The following CNTNAP2 variants were observed in gnomAD, a reference collection of about 807,000 sequenced individuals.
CNTNAP2 encodes contactin-associated protein-like 2.
Under a neutral mutation model 155.2 loss-of-function variants are expected in CNTNAP2, and 98 were observed. The ratio of observed to expected loss-of-function variants is 0.63; its 90% confidence interval spans 0.54 to 0.75. The LOEUF is 0.75. CNTNAP2 is among the 30% of genes least tolerant of loss of function. The pLI, the probability that CNTNAP2 is intolerant of heterozygous loss-of-function variation, is 0.00. For missense variants in CNTNAP2, 1,727 were observed against 1,688.1 expected (o/e 1.02, Z -0.40); for synonymous variants, 651 against 631.2 (o/e 1.03, Z -0.47).
chr7:147,939,473 C>T (rs1056406563), intron 14 of CNTNAP2, among the ~76,000 whole-genome samples: 1 of 152,076 alleles, frequency 6.6e-6, no homozygotes, highest in African/African-American at 2.4e-5. Context: ...GGATTAGAGG[C>T]ACCTGCCACC....
intron 1 of CNTNAP2, among the ~76,000 whole-genome samples, chr7:146,348,239 C>A (rs758000598): frequency 2.6e-4 from 39 of 151,950 alleles, no homozygotes; most frequent in Non-Finnish European, 5.6e-4. Flanking sequence ...GCCAATATAG[C>A]AAAACCCTGT....
intron 14 of CNTNAP2, among the ~76,000 whole-genome samples, chr7:147,939,465 A>G (rs2116812141): frequency 6.6e-6 from 1 of 152,108 alleles, no homozygotes; most frequent in Middle Eastern, 3.4e-3. Context: ...AGTAGCTGGG[A>G]TTAGAGGCAC....
At chr7:147,318,052 A>C (rs1023450475) in intron 9 of CNTNAP2, among the ~76,000 whole-genome samples, 7 of 152,302 alleles carry the variant, frequency 4.6e-5, no homozygotes, top group African/African-American at 1.7e-4. Flanking sequence ...AAAATTTTCT[A>C]CAGTAGCCAT....
Position 146,224,462 on chromosome 7 carries a change from T to G in CNTNAP2, c.97+107489T>G, listed in dbSNP as rs1334875013. Among the ~76,000 whole-genome samples, 7 of 150,298 alleles carry G rather than the reference T, an allele frequency of 4.7e-5. 1 individual carries two copies. The highest frequency in any genetic ancestry group is 1.7e-4 in the African/African-American group (7 of 41,008). The stretch of plus-strand genomic sequence containing the variant: ...AAAAAAAAACCCAAAAAACTAAGAT[T>G]TGGGGCCGGGCGCGATGGCTTACAC... On this transcript the variant is annotated intron_variant, in intron 1 of 23. Coordinates refer to ENST00000361727, the MANE Select transcript of CNTNAP2 (RefSeq NM_014141.6).
chr7:147,528,585 T>C (rs559676584), intron 11 of CNTNAP2, among the ~76,000 whole-genome samples: 3 of 152,246 alleles, frequency 2.0e-5, no homozygotes, highest in South Asian at 4.1e-4. Flanking sequence ...ACAGACTAGC[T>C]TTTTCTGTTT....
intron 21 of CNTNAP2, among the ~76,000 whole-genome samples, chr7:148,305,898 G>A (rs1373269346): frequency 1.3e-5 from 2 of 152,024 alleles, no homozygotes; most frequent in Non-Finnish European, 2.9e-5. Context: ...TAGATAACCT[G>A]GGCCTCCGGA....
chr7:147,085,348 C>T (rs1315324350), intron 4 of CNTNAP2, among the ~76,000 whole-genome samples: 3 of 152,106 alleles, frequency 2.0e-5, no homozygotes, highest in Non-Finnish European at 4.4e-5. Context: ...AGTGGGCAAG[C>T]GAATGTTCCC....
At chr7:146,828,638 G>C (rs1312013017) in intron 2 of CNTNAP2, among the ~76,000 whole-genome samples, 3 of 151,872 alleles carry the variant, frequency 2.0e-5, no homozygotes, top group African/African-American at 7.3e-5. Context: ...ACTACTACCT[G>C]AGATAACACA....
intron 15 of CNTNAP2, among the ~76,000 whole-genome samples, chr7:148,018,281 A>T (rs1445972961): frequency 6.6e-6 from 1 of 152,170 alleles, no homozygotes; most frequent in South Asian, 2.1e-4. Context: ...CTCTGTAAAT[A>T]TGGGCTGATA....
At chr7:146,279,253 AT>A (rs2129084555) in intron 1 of CNTNAP2, among the ~76,000 whole-genome samples, 1 of 152,250 alleles carries the variant, frequency 6.6e-6, no homozygotes, top group South Asian at 2.1e-4. Flanking sequence ...GCTACCAAGT[AT>A]ATTACAATAT....
Position 148,217,419 on chromosome 7 carries a change from C to T in CNTNAP2, c.3142C>T (p.Gln1048Ter). ...GCAGAACTCCCACCCGGACCTGGCA[C>T]AGGAGGAGATCCGCTTCAGCTTCAG... ...DQQNSHPDLAQEEIRFSFSTT... is the reference protein window; with the variant it reads ...DQQNSHPDLA Residue 1048 changes from glutamine (Q) to a stop codon, truncating the protein, a stop_gained, in exon 19 of 24, where the codon CAG becomes TAG. Coordinates refer to ENST00000361727, the MANE Select transcript of CNTNAP2 (RefSeq NM_014141.6). LOFTEE classifies it high-confidence loss of function. 1.9e-6 allele frequency: 3 copies of T among 1,614,208 alleles called. No individual in the cohort carries two copies. The highest frequency in any genetic ancestry group is 2.5e-6 in the Non-Finnish European group (3 of 1,180,042).
chr7:147,479,250 A>G (rs932190739), intron 10 of CNTNAP2, among the ~76,000 whole-genome samples: 1 of 152,188 alleles, frequency 6.6e-6, no homozygotes, highest in Non-Finnish European at 1.5e-5. Context: ...CACGCATAAA[A>G]CAATGGCCTA....
At chr7:148,284,322 T>C (rs1448746267) in intron 21 of CNTNAP2, among the ~76,000 whole-genome samples, 1 of 152,068 alleles carries the variant, frequency 6.6e-6, no homozygotes, top group Admixed American at 6.5e-5. Flanking sequence ...TGAGATCTGA[T>C]GGTTTTATAA....
At chr7:147,118,320 G>T (rs1291026387) in intron 5 of CNTNAP2, among the ~76,000 whole-genome samples, 1 of 151,960 alleles carries the variant, frequency 6.6e-6, no homozygotes, top group Non-Finnish European at 1.5e-5. Context: ...AAAAAGAAAT[G>T]ACCACTAGGA....
intron 15 of CNTNAP2, among the ~76,000 whole-genome samples, chr7:147,998,538 G>A (rs1273027322): frequency 6.6e-6 from 1 of 152,196 alleles, no homozygotes; most frequent in Non-Finnish European, 1.5e-5. Flanking sequence ...GAGGTGAGAA[G>A]ATGCATCTCT....
chr7:146,689,450 G>A (rs1349097384), intron 1 of CNTNAP2, among the ~76,000 whole-genome samples: 1 of 151,966 alleles, frequency 6.6e-6, no homozygotes, highest in Non-Finnish European at 1.5e-5. Context: ...AAAAAAAATT[G>A]AGGAAGTGGA....
At chr7:147,919,793 C>T (rs1005242705) in intron 14 of CNTNAP2, among the ~76,000 whole-genome samples, 3 of 151,278 alleles carry the variant, frequency 2.0e-5, no homozygotes, top group African/African-American at 7.3e-5. Context: ...CTCCGCGTTG[C>T]TCAGGCCAGT....
Position 147,107,961 on chromosome 7 carries a change from T to C in CNTNAP2, c.551-186T>C, listed in dbSNP as rs187239098. On this transcript the variant is annotated intron_variant, in intron 4 of 23. Transcript: ENST00000361727. ...CTTTTATGAGCATTTTTATCAATAC[T>C]CTCCATAAAACCTCCTTTAAAACAA... Among the ~76,000 whole-genome samples, 218 of 152,170 alleles carry C rather than the reference T, an allele frequency of 1.4e-3. 1 individual carries two copies. The highest frequency in any genetic ancestry group is 5.0e-3 in the African/African-American group (209 of 41,540).
intron 1 of CNTNAP2, among the ~76,000 whole-genome samples, chr7:146,711,762 CA>C (rs1324204317): frequency 4.3e-5 from 6 of 140,150 alleles, no homozygotes; most frequent in East Asian, 2.1e-4. Context: ...CTTATGTATA[CA>C]TATATAGTAT....
Sources: gnomAD v4.1 joint callset for allele counts (sites outside exome capture counted in the v4.1 genomes callset) on GRCh38, gnomAD v4.1.1 for gene constraint, MANE v1.5 for transcripts, NCBI Gene and HGNC (gene_info 2026-07-23, HGNC 2026-07-21) for gene names.